Variants in GPR137B observed in about 807,000 individuals in gnomAD.
The protein encoded by GPR137B is G protein-coupled receptor 137B, also known as integral membrane protein GPR137B.
Under a neutral mutation model 42.5 loss-of-function variants are expected in GPR137B, and 42 were observed. The observed-to-expected ratio is 0.99, with a 90% confidence interval of 0.77 to 1.28. The LOEUF (loss-of-function observed/expected upper bound fraction) is 1.28. GPR137B is among the 50% of genes most tolerant of loss of function. GPR137B has a pLI of 0.00. For missense variants in GPR137B, 487 were observed against 493.9 expected (o/e 0.99, Z 0.13); for synonymous variants, 218 against 209.7 (o/e 1.04, Z -0.34).
chr1:236,180,983 A>G (rs1209236306), intron 4 of GPR137B, among the ~76,000 whole-genome samples: 1 of 152,184 alleles, frequency 6.6e-6, no homozygotes, highest in African/African-American at 2.4e-5. Context: ...TGACATTTGC[A>G]GATAGTAAGC....
intron 1 of GPR137B, among the ~76,000 whole-genome samples, chr1:236,144,724 G>A (rs1168470118): frequency 6.6e-6 from 1 of 152,212 alleles, no homozygotes; most frequent in African/African-American, 2.4e-5. Flanking sequence ...GAAATGAGGT[G>A]GTTCTAGCAA....
At chr1:236,175,737 T>C (rs1281585910) in intron 2 of GPR137B, among the ~76,000 whole-genome samples, 2 of 152,070 alleles carry the variant, frequency 1.3e-5, no homozygotes, top group African/African-American at 2.4e-5. Flanking sequence ...AGCCAGGGGC[T>C]GCCCTCAAAG....
chr1:236,194,557 T>TAA (rs1663285754), intron 5 of GPR137B, among the ~76,000 whole-genome samples: 1 of 152,242 alleles, frequency 6.6e-6, no homozygotes, highest in Non-Finnish European at 1.5e-5. Flanking sequence ...TATTAACTTT[T>TAA]AAATAGGTCA....
At chr1:236,165,621 C>T (rs1662327869) in intron 1 of GPR137B, among the ~76,000 whole-genome samples, 1 of 152,210 alleles carries the variant, frequency 6.6e-6, no homozygotes, top group Non-Finnish European at 1.5e-5. Context: ...ACCTTCTGTT[C>T]ATACTTGGTT....
rs151072571 is a variant in GPR137B at position 236,195,895 on chromosome 1, G to A, written c.967-9231G>A. On this transcript the variant is annotated intron_variant, in intron 5 of 6. Coordinates refer to ENST00000366592, the MANE Select transcript of GPR137B (RefSeq NM_003272.4). ...TATGCCTGTTTGCCATCTGTATGTT[G>A]CCTTTCGAGAAATGTCTGTTCAAAT... Among the ~76,000 whole-genome samples, 49 of 152,144 alleles carry A rather than the reference G, an allele frequency of 3.2e-4. No homozygotes were observed. The East Asian group carries it at 6.9e-3, about 22-fold the overall frequency.
chr1:236,164,141 G>A (rs1662278518), intron 1 of GPR137B, among the ~76,000 whole-genome samples: 1 of 152,174 alleles, frequency 6.6e-6, no homozygotes, highest in Non-Finnish European at 1.5e-5. Flanking sequence ...CTGTCTGCCT[G>A]TGTATTTCTC....
Position 236,155,230 on chromosome 1 carries a change from G to GGACACGGGCT in GPR137B, c.414+12206_414+12215dup, listed in dbSNP as rs1418439104. Among the ~76,000 whole-genome samples, 2 of 152,370 alleles carry GGACACGGGCT rather than the reference G, an allele frequency of 1.3e-5. No homozygotes were observed. Among genetic ancestry groups the GGACACGGGCT allele is most frequent in the South Asian group, 2.1e-4 (1 of 4,832 alleles). ...ATTCCTGCGGGGCTTCCAGGGCGGAGGACACGGGCTGACACGGGCTGTCCC... is the reference window on the plus strand; with the variant it reads ...ATTCCTGCGGGGCTTCCAGGGCGGAGGACACGGGCTGACACGGGCTGACACGGGCTGTCCC... On this transcript the variant is annotated intron_variant, in intron 1 of 6. Transcript: ENST00000366592. This position sits in a 1 kb window ranked among gnomAD's most constrained non-coding sequence, Gnocchi z 4.6.
At chr1:236,148,111 C>G (rs554046089) in intron 1 of GPR137B, among the ~76,000 whole-genome samples, 1 of 152,206 alleles carries the variant, frequency 6.6e-6, no homozygotes, top group African/African-American at 2.4e-5. Context: ...CTGTTCTAAG[C>G]GCTGTGTCAA....
Position 236,208,116 on chromosome 1 carries a change from G to C in GPR137B, c.1158G>C (p.Leu386Phe). ...GCTTCCTGGCACAAGCAGGAACTTTGCAAGACTCAACTTTGGATCCTGACA... is the reference window on the plus strand; with the variant it reads ...GCTTCCTGGCACAAGCAGGAACTTTCCAAGACTCAACTTTGGATCCTGACA... ...TNSFLAQAGTLQDSTLDPDKP... is the reference protein window; with the variant it reads ...TNSFLAQAGTFQDSTLDPDKP... Residue 386 changes from leucine to phenylalanine, a missense_variant, in exon 7 of 7, where the codon TTG (leucine) becomes TTC (phenylalanine). Leu to Phe is a conservative substitution (Grantham distance 22). Transcript: ENST00000366592. 1 of 1,613,658 alleles carries C rather than the reference G, an allele frequency of 6.2e-7. No individual in the cohort carries two copies. The highest frequency in any genetic ancestry group is 8.5e-7 in the Non-Finnish European group (1 of 1,179,602).
intron 1 of GPR137B, among the ~76,000 whole-genome samples, chr1:236,164,044 C>G (rs779795487): frequency 6.6e-6 from 1 of 151,404 alleles, no homozygotes; most frequent in East Asian, 1.9e-4. Context: ...TCACAGCCCC[C>G]ATGCCTCTCC....
chr1:236,190,726 T>G (rs896675910), intron 5 of GPR137B, among the ~76,000 whole-genome samples: 6 of 152,228 alleles, frequency 3.9e-5, no homozygotes, highest in African/African-American at 9.7e-5. Flanking sequence ...GGCTTCCCTT[T>G]GTGGGTAACC....
chr1:236,180,695 C>T (rs185162541), intron 4 of GPR137B, among the ~76,000 whole-genome samples: 137 of 146,496 alleles, frequency 9.4e-4, no homozygotes, highest in African/African-American at 3.2e-3. Context: ...AGTGCAATGG[C>T]GCGACCTGCC....
In GPR137B at chr1:236,142,823, G is replaced by T; in HGVS notation, c.201G>T (p.Val67=). The stretch of plus-strand genomic sequence containing the variant: ...TCATCTACGTGCAGCTCTGGCTGGT[G>T]CTGCGTTACCGCCACAAGCGGCTCA... ...FVFIYVQLWL[V]LRYRHKRLSY... The change falls in exon 1 of 7, where the codon GTG becomes GTT. Residue 67 remains valine (V), a synonymous_variant. Transcript: ENST00000366592. 2.5e-6 allele frequency: 4 copies of T among 1,614,006 alleles called. No individual in the cohort carries two copies. The highest frequency in any genetic ancestry group is 3.4e-6 in the Non-Finnish European group (4 of 1,179,904).
chr1:236,187,351 C>A (rs1663064662), intron 5 of GPR137B, among the ~76,000 whole-genome samples: 1 of 152,074 alleles, frequency 6.6e-6, no homozygotes, highest in African/African-American at 2.4e-5. Flanking sequence ...TCCCATTTGT[C>A]AATTTTGGCT....
chr1:236,188,108 C>T (rs995925855), intron 5 of GPR137B, among the ~76,000 whole-genome samples: 1 of 152,078 alleles, frequency 6.6e-6, no homozygotes, highest in African/African-American at 2.4e-5. Flanking sequence ...AATGGGAGTT[C>T]ACTCATGATT....
rs1403512011 is a variant in GPR137B, at chr1:236,155,765, A to AG, written c.414+12731dup. Reference sequence around the variant, plus strand: ...GAGAGCTGAGCTGCTGGGAACAGGAAGGAGAAGAGGAGCTGTTGGGAAGGG... The same window carrying AG: ...GAGAGCTGAGCTGCTGGGAACAGGAAGGGAGAAGAGGAGCTGTTGGGAAGGG... On this transcript the variant is annotated intron_variant, in intron 1 of 6. Coordinates refer to ENST00000366592, the MANE Select transcript of GPR137B (RefSeq NM_003272.4). This position sits in a 1 kb window ranked among gnomAD's most constrained non-coding sequence, Gnocchi z 4.6. Among the ~76,000 whole-genome samples the AG allele has an allele frequency of 6.6e-6, 1 of 152,154 alleles. No individual in the cohort carries two copies. Among genetic ancestry groups the AG allele is most frequent in the Non-Finnish European group, 1.5e-5 (1 of 68,012 alleles).
intron 5 of GPR137B, among the ~76,000 whole-genome samples, chr1:236,185,306 A>T (rs1409781725): frequency 1.3e-5 from 2 of 152,282 alleles, no homozygotes; most frequent in South Asian, 4.1e-4. Flanking sequence ...TTGTATCCAT[A>T]ATTCATTTGG....
chr1:236,174,669 A>C (rs189387722), intron 2 of GPR137B, among the ~76,000 whole-genome samples: 1 of 152,152 alleles, frequency 6.6e-6, no homozygotes, highest in Admixed American at 6.6e-5. Context: ...AAATAGGAAC[A>C]CTTAGAGGCG....
At chr1:236,158,492 A>G (rs369895541) in intron 1 of GPR137B, among the ~76,000 whole-genome samples, 1 of 152,214 alleles carries the variant, frequency 6.6e-6, no homozygotes, top group African/African-American at 2.4e-5. Context: ...TGCTGGGTGC[A>G]TGAGTATTTG....
Sources: gnomAD v4.1 joint callset for allele counts (sites outside exome capture counted in the v4.1 genomes callset) on GRCh38, gnomAD v4.1.1 for gene constraint, Gnocchi (gnomAD v3.1) non-coding constraint, MANE v1.5 for transcripts, NCBI Gene and HGNC (gene_info 2026-07-23, HGNC 2026-07-21) for gene names.